The following SYNE2 variants were observed in gnomAD, a reference collection of about 807,000 sequenced individuals.
SYNE2 encodes spectrin repeat containing nuclear envelope protein 2.
A neutral mutation model predicts 856.3 loss-of-function variants in SYNE2; 431 were observed. The ratio of observed to expected loss-of-function variants is 0.50; its 90% CI spans 0.47 to 0.55. SYNE2 has a LOEUF of 0.55. SYNE2 is among the 20% of genes least tolerant of loss of function. SYNE2 has a pLI of 0.00. For missense variants in SYNE2, 8,129 were observed against 8,023.2 expected (o/e 1.01, Z -0.50); for synonymous variants, 2,923 against 2,872.3 (o/e 1.02, Z -0.56).
chr14:63,844,557 A>G (rs1187311022), intron 1 of SYNE2, among the ~76,000 whole-genome samples: 1 of 152,212 alleles, frequency 6.6e-6, no homozygotes, highest in African/African-American at 2.4e-5. Flanking sequence ...TACATAAAGT[A>G]TTTTTAAAAT....
chr14:63,955,613 T>C (rs1200978778), intron 8 of SYNE2, among the ~76,000 whole-genome samples: 1 of 152,178 alleles, frequency 6.6e-6, no homozygotes, highest in Non-Finnish European at 1.5e-5. Context: ...CAAGCACGTA[T>C]GAATTCTAGT....
chr14:64,179,430 A>G (rs895798884), intron 96 of SYNE2, among the ~76,000 whole-genome samples: 1 of 152,220 alleles, frequency 6.6e-6, no homozygotes, highest in African/African-American at 2.4e-5. Context: ...CGTGAGCCAC[A>G]GCGCCTGGCC....
chr14:63,870,839 A>G (rs1212053274), intron 1 of SYNE2, among the ~76,000 whole-genome samples: 1 of 152,286 alleles, frequency 6.6e-6, no homozygotes, highest in African/African-American at 2.4e-5. Flanking sequence ...CTCAAGATCA[A>G]CACCCCAGGA....
At chr14:64,201,381 G>A (rs2098564146) in intron 99 of SYNE2, among the ~76,000 whole-genome samples, 2 of 152,242 alleles carry the variant, frequency 1.3e-5, no homozygotes, top group Non-Finnish European at 2.9e-5. Context: ...AAGCATTTGT[G>A]GAGAGCTTCC....
chr14:63,968,118 G>T (rs1230164802), intron 11 of SYNE2, among the ~76,000 whole-genome samples: 1 of 152,018 alleles, frequency 6.6e-6, no homozygotes, highest in South Asian at 2.1e-4. Flanking sequence ...AGCCGGGATC[G>T]TACCACTGCT....
In SYNE2 at chr14:64,052,081, C is replaced by G. The variant is rs182371486; in HGVS notation, c.8168C>G (p.Ala2723Gly). 2 of 1,614,164 alleles carry G rather than the reference C, an allele frequency of 1.2e-6. No homozygotes were observed. Among genetic ancestry groups the G allele is most frequent in the East Asian group, 4.5e-5 (2 of 44,886 alleles). Residue 2723 changes from alanine (A) to glycine (G), a missense_variant, in exon 48 of 116, where the codon GCA becomes GGA. This residue lies in a region of SYNE2 where 5,410 missense variants were observed against 5,284.8 expected (regional missense o/e 1.02). Transcript: ENST00000555002. ...WETLEPLHLE[A>G]ENQIKKCDIR... ...ACATTGGAGCCATTACACTTAGAAGCAGAAAATCAGATTAAGAAGTGTGAC... is the reference window on the plus strand; with the variant it reads ...ACATTGGAGCCATTACACTTAGAAGGAGAAAATCAGATTAAGAAGTGTGAC...
intron 88 of SYNE2, chr14:64,162,916 A>G (rs142051214): frequency 1.9e-4 from 35 of 183,928 alleles, no homozygotes; most frequent in African/African-American, 7.6e-4. Flanking sequence ...CTGAGCTGAT[A>G]ATTTAAAAAT....
chr14:64,200,640 G>C lies in SYNE2; in HGVS notation c.18039-2161G>C, dbSNP rs148337810. 3.1e-3 allele frequency among the ~76,000 whole-genome samples: 466 copies of C among 152,296 alleles called. 2 individuals carry two copies. The highest frequency in any genetic ancestry group is 0.011 in the African/African-American group (450 of 41,542). ...ACTTTCTTTTTAATAAATCATCTGT[G>C]GCTTTGAAGGGAACGTATCCTTGTG... On this transcript the variant is annotated intron_variant, in intron 99 of 115. Coordinates refer to ENST00000555002, the MANE Select transcript of SYNE2 (RefSeq NM_182914.3).
rs751591037 is a variant in SYNE2 at position 64,220,522 on chromosome 14, C to G, written c.19946C>G (p.Pro6649Arg). The G allele has an allele frequency of 1.2e-5, 19 of 1,614,158 alleles. No homozygotes were observed. Among genetic ancestry groups the G allele is most frequent in the Non-Finnish European group, 1.6e-5 (19 of 1,180,034 alleles). The change falls in exon 111 of 116, where the codon CCC (proline) becomes CGC (arginine). Residue 6649 changes from proline (P) to arginine (R), a missense_variant. Coordinates refer to ENST00000555002, the MANE Select transcript of SYNE2 (RefSeq NM_182914.3). ...SSKEFLQTES[P>R]ESTELQSRLR... ...AAGGAATTTCTGCAAACCGAGAGCC[C>G]CGAATCCACAGAGCTCCAAAGTAGA... is the stretch of plus-strand genomic sequence containing the variant.
intron 1 of SYNE2, among the ~76,000 whole-genome samples, chr14:63,767,334 T>C (rs1438748301): frequency 2.0e-5 from 3 of 152,064 alleles, no homozygotes; most frequent in Admixed American, 1.3e-4. Context: ...GGTCTTGAAC[T>C]CCTGACCTCA....
rs1361340666 is a variant in SYNE2 at position 64,166,239 on chromosome 14, A to G, written c.16605+829A>G. Among the ~76,000 whole-genome samples, 6 of 151,996 alleles carry G rather than the reference A, an allele frequency of 3.9e-5. No homozygotes were observed. The East Asian group carries it at 1.2e-3, about 29-fold the overall frequency. ...CACAGCCATGCCCTTTCATTTACAT[A>G]TTGTCTATTATAGTTTTCACGCTAC... is the stretch of plus-strand genomic sequence containing the variant. On this transcript the variant is annotated intron_variant, in intron 90 of 115. Coordinates refer to ENST00000555002, the MANE Select transcript of SYNE2 (RefSeq NM_182914.3).
intron 6 of SYNE2, among the ~76,000 whole-genome samples, chr14:63,944,894 G>C (rs1252091625): frequency 9.0e-6 from 1 of 111,206 alleles, no homozygotes; most frequent in Non-Finnish European, 1.7e-5. Context: ...GCGTGATTTT[G>C]GCTCCTGAAT....
At position 64,098,163 on chromosome 14, in the gene SYNE2, G is replaced by T; in HGVS notation, c.12306+17G>T. ...GAGCGGAAGGTGGGTATGACTTTAG[G>T]TTAATGCTGGCCCCACACTCCACAA... On this transcript the variant is annotated intron_variant, in intron 62 of 115. Transcript: ENST00000555002. The T allele has an allele frequency of 6.2e-7, 1 of 1,612,922 alleles. No homozygotes were observed. The highest frequency in any genetic ancestry group is 8.5e-7 in the Non-Finnish European group (1 of 1,179,542).
intron 88 of SYNE2, 78 bp downstream of exon 88, chr14:64,162,354 AC>A: frequency 7.1e-7 from 1 of 1,398,638 alleles, no homozygotes; most frequent in Non-Finnish European, 1.0e-6. Context: ...TGACCTGGGG[AC>A]CAGACAGACC....
chr14:63,965,637 C>A (rs2096381062), intron 10 of SYNE2, among the ~76,000 whole-genome samples: 1 of 152,212 alleles, frequency 6.6e-6, no homozygotes, highest in South Asian at 2.1e-4. Flanking sequence ...CCCCACACAG[C>A]ACTTAGCACC....
intron 38 of SYNE2, 113 bp downstream of exon 38, chr14:64,022,976 C>A: frequency 1.5e-6 from 1 of 684,630 alleles, no homozygotes; most frequent in South Asian, 1.7e-5. Context: ...CACCTGTAAT[C>A]CTAGCATTTT....
At chr14:64,010,547 C>T (rs1318734537) in intron 32 of SYNE2, among the ~76,000 whole-genome samples, 4 of 152,164 alleles carry the variant, frequency 2.6e-5, no homozygotes, top group African/African-American at 4.8e-5. Flanking sequence ...AAGCTTATTA[C>T]CACTTTGCTC....
intron 53 of SYNE2, 72 bp from the exon 54 acceptor site, chr14:64,075,873 G>A: frequency 6.5e-7 from 1 of 1,539,994 alleles, no homozygotes; most frequent in East Asian, 2.3e-5. Context: ...GTGCTGGAAG[G>A]CTGCTTTCAC....
chr14:64,087,853 T>C lies in SYNE2; in HGVS notation c.11667T>C (p.Ala3889=). The C allele has an allele frequency of 6.2e-7, 1 of 1,614,006 alleles. No homozygotes were observed. The highest frequency in any genetic ancestry group is 8.5e-7 in the Non-Finnish European group (1 of 1,179,886). ...GCCTTCCACAGATTCAGCGAATGGC[T>C]GATGTAAGTTTGCACCATTCATTTA... ...MESLPQIQRM[A]DDVVAIESEV... Residue 3889 remains alanine (A), a synonymous_variant, in exon 58 of 116, where the codon GCT becomes GCC. Coordinates refer to ENST00000555002, the MANE Select transcript of SYNE2 (RefSeq NM_182914.3).
Sources: allele counts gnomAD v4.1 joint callset (sites outside exome capture counted in the v4.1 genomes callset), GRCh38; gene constraint gnomAD v4.1.1; regional missense constraint gnomAD v4.1.1; transcripts MANE v1.5; gene names NCBI Gene and HGNC (gene_info 2026-07-23, HGNC 2026-07-21).